Variants in CRACD observed in about 807,000 individuals in gnomAD.
The protein encoded by CRACD is capping protein inhibiting regulator of actin dynamics.
A neutral mutation model predicts 106.8 loss-of-function variants in CRACD; 56 were observed. The ratio of observed to expected loss-of-function variants is 0.52; its 90% CI spans 0.42 to 0.66. CRACD has a LOEUF of 0.66. Ranked by LOEUF, CRACD falls within the 30% of genes least tolerant of loss-of-function variation. The pLI, the probability that CRACD is intolerant of heterozygous loss-of-function variation, is 0.00. For missense variants in CRACD, 1,730 were observed against 1,623.2 expected, an observed-to-expected ratio of 1.07 and a Z score of -1.13; for synonymous variants, 754 against 670.8, an observed-to-expected ratio of 1.12 and a Z score of -1.92.
chr4:56,272,996 A>G (rs1742448382), intron 3 of CRACD, among the ~76,000 whole-genome samples: 1 of 152,080 alleles, frequency 6.6e-6, no homozygotes, highest in South Asian at 2.1e-4. Context: ...GGAGTTATCA[A>G]ATGAGTCTGA....
chr4:56,208,857 G>A (rs1738257367), intron 2 of CRACD, among the ~76,000 whole-genome samples: 1 of 152,128 alleles, frequency 6.6e-6, no homozygotes, highest in African/African-American at 2.4e-5. Flanking sequence ...CATTTATTTA[G>A]GTAAAGTGAT....
intron 1 of CRACD, among the ~76,000 whole-genome samples, chr4:56,102,520 C>G (rs1286513303): frequency 1.3e-5 from 2 of 152,176 alleles, no homozygotes; most frequent in South Asian, 2.1e-4. Context: ...ACCAAATAGT[C>G]AGATCATCCA....
At chr4:56,078,969 A>G (rs1732932969) in intron 1 of CRACD, among the ~76,000 whole-genome samples, 1 of 152,164 alleles carries the variant, frequency 6.6e-6, no homozygotes, top group Admixed American at 6.5e-5. Flanking sequence ...TATCAGACCA[A>G]AGTTATAATG....
chr4:56,289,052 GAAGTACCTGA>G (rs1271366271), intron 3 of CRACD, among the ~76,000 whole-genome samples: 1 of 152,152 alleles, frequency 6.6e-6, no homozygotes, highest in Non-Finnish European at 1.5e-5. Context: ...CCATTTAAAG[GAAGTACCTGA>G]AATAGTAAAA....
At chr4:56,068,246 G>A (rs1008340804) in intron 1 of CRACD, among the ~76,000 whole-genome samples, 2 of 152,194 alleles carry the variant, frequency 1.3e-5, no homozygotes, top group Non-Finnish European at 2.9e-5. Context: ...GGTGATATGG[G>A]GAAAAGACAC....
chr4:56,255,131 A>C (rs936627134), intron 2 of CRACD, among the ~76,000 whole-genome samples: 2 of 149,952 alleles, frequency 1.3e-5, no homozygotes, highest in Non-Finnish European at 3.0e-5. Context: ...AAAAAAAAAA[A>C]AAACTAAAAA....
At chr4:56,236,778 A>G (rs1017798881) in intron 2 of CRACD, among the ~76,000 whole-genome samples, 5 of 152,148 alleles carry the variant, frequency 3.3e-5, no homozygotes, top group Admixed American at 6.5e-5. Flanking sequence ...AAAATATGCC[A>G]TGAGAAAAGT....
chr4:56,310,009 A>AC (rs893013491), intron 5 of CRACD, among the ~76,000 whole-genome samples: 1 of 140,424 alleles, frequency 7.1e-6, no homozygotes, highest in African/African-American at 2.6e-5. Context: ...ACAAAGTGAG[A>AC]CCCTGTCTCA....
chr4:56,063,453 G>A (rs892994801), intron 1 of CRACD, among the ~76,000 whole-genome samples: 4 of 152,122 alleles, frequency 2.6e-5, no homozygotes, highest in Admixed American at 6.5e-5. Flanking sequence ...TACATTCACA[G>A]TGTCAAGCAG....
Position 56,315,272 on chromosome 4 carries a change from C to G in CRACD, c.1770C>G (p.Ser590Arg). Residue 590 changes from serine (S) to arginine (R), a missense_variant, in exon 8 of 11, where the codon AGC (serine) becomes AGG (arginine). Ser to Arg is a moderately radical substitution (Grantham distance 110). This residue lies in a region of CRACD where 1,620 missense variants were observed against 1,481.6 expected (regional missense o/e 1.09). Coordinates refer to ENST00000682029, the MANE Select transcript of CRACD (RefSeq NM_001393381.1). The surrounding 1 kb of genome is among the most constrained non-coding windows in gnomAD (Gnocchi z 4.1). ...PVQHALPSSLSVPHTAILVTG... is the reference protein window; with the variant it reads ...PVQHALPSSLRVPHTAILVTG... ...AGCACGCCCTACCGTCGTCCCTGAGCGTTCCCCACACCGCCATTCTGGTCA... is the reference window on the plus strand; with the variant it reads ...AGCACGCCCTACCGTCGTCCCTGAGGGTTCCCCACACCGCCATTCTGGTCA... 3.1e-6 allele frequency: 5 copies of G among 1,611,662 alleles called. No individual in the cohort carries two copies. The highest frequency in any genetic ancestry group is 4.2e-6 in the Non-Finnish European group (5 of 1,179,190).
intron 3 of CRACD, among the ~76,000 whole-genome samples, chr4:56,297,013 G>A (rs1347183999): frequency 6.6e-6 from 1 of 151,368 alleles, no homozygotes; most frequent in South Asian, 2.1e-4. Context: ...CCCGCCTCCC[G>A]GGTTCAAGCG....
chr4:56,173,443 C>T (rs10213659), intron 1 of CRACD, among the ~76,000 whole-genome samples: 101,224 of 152,094 alleles, frequency 0.67, 34,068 homozygotes, highest in African/African-American at 0.7. Flanking sequence ...GAGTGTTCAA[C>T]AGAACAAGTT....
intron 1 of CRACD, among the ~76,000 whole-genome samples, chr4:56,165,684 C>A (rs938779737): frequency 6.6e-6 from 1 of 152,030 alleles, no homozygotes; most frequent in Non-Finnish European, 1.5e-5. Flanking sequence ...GAAAGAGTTA[C>A]CTCATGAGAA....
At chr4:56,217,131 T>A (rs1577751468) in intron 2 of CRACD, among the ~76,000 whole-genome samples, 2 of 151,310 alleles carry the variant, frequency 1.3e-5, no homozygotes, top group Admixed American at 1.3e-4. Flanking sequence ...TGGCTGGGGG[T>A]CATTGCTCAT....
intron 4 of CRACD, among the ~76,000 whole-genome samples, chr4:56,304,217 C>T (rs1323106984): frequency 6.6e-6 from 1 of 151,974 alleles, no homozygotes; most frequent in East Asian, 1.9e-4. Flanking sequence ...CCCTTCCTCT[C>T]GAATTGCCTC....
intron 1 of CRACD, among the ~76,000 whole-genome samples, chr4:56,111,070 TA>T (rs71192072): frequency 0.47 from 71,688 of 151,564 alleles, 18,193 homozygotes; most frequent in African/African-American, 0.66. Context: ...AAAGAAAAAT[TA>T]AAAAAGGAAA....
At position 56,151,185 on chromosome 4, in the gene CRACD, C is replaced by T. The variant is rs185563967; in HGVS notation, c.-335-28099C>T. Among the ~76,000 whole-genome samples, 33 of 152,066 alleles carry T rather than the reference C, an allele frequency of 2.2e-4. No individual in the cohort carries two copies. In the East Asian group the frequency reaches 5.6e-3, roughly 26 times the overall value. ...CTAATTTTTGTAATTTTTGTAGAGA[C>T]GGGGTTTTGCCATGATGGCCAGGCT... On this transcript the variant is annotated intron_variant, in intron 1 of 10. Transcript: ENST00000682029.
At chr4:56,285,362 A>G (rs1235861994) in intron 3 of CRACD, among the ~76,000 whole-genome samples, 1 of 152,240 alleles carries the variant, frequency 6.6e-6, no homozygotes, top group Non-Finnish European at 1.5e-5. Flanking sequence ...ATGCGGTAAT[A>G]GAACCCAGTG....
chr4:56,270,681 C>A (rs1232689858), intron 2 of CRACD, among the ~76,000 whole-genome samples: 1 of 152,080 alleles, frequency 6.6e-6, no homozygotes. Context: ...GGTTCCTCAT[C>A]TGTAAAATGG....
Sources: allele counts gnomAD v4.1 joint callset (sites outside exome capture counted in the v4.1 genomes callset), GRCh38; gene constraint gnomAD v4.1.1; regional missense constraint gnomAD v4.1.1; non-coding constraint Gnocchi (gnomAD v3.1); transcripts MANE v1.5; gene names NCBI Gene and HGNC (gene_info 2026-07-23, HGNC 2026-07-21).